Variants in CASP6 observed in about 807,000 individuals in gnomAD.
CASP6 encodes the protein caspase-6.
In CASP6, 20 loss-of-function variants were observed where a neutral mutation model predicts 31.8. The ratio of observed to expected loss-of-function variants is 0.63; its 90% CI spans 0.44 to 0.91. The LOEUF is 0.91. Among genes scored for constraint, CASP6 ranks in the 40% least tolerant of loss-of-function variants. The probability of loss-of-function intolerance (pLI) is 0.00; values close to 1 mark genes in which losing one functional copy is unlikely to be tolerated. For missense variants in CASP6, 328 were observed against 361.1 expected, an observed-to-expected ratio of 0.91 and a Z score of 0.74; for synonymous variants, 130 against 127.8, an observed-to-expected ratio of 1.02 and a Z score of -0.12.
At chr4:109,677,430 G>A in the CASP6 span, among the ~76,000 whole-genome samples, 1 of 152,160 alleles carries the variant, frequency 6.6e-6, no homozygotes. Flanking sequence ...TGGAGTGAAT[G>A]TATTTTGTGT....
the CASP6 span, among the ~76,000 whole-genome samples, chr4:109,668,162 G>A: frequency 3.3e-5 from 5 of 152,080 alleles, no homozygotes; most frequent in African/African-American, 1.2e-4. Flanking sequence ...GATTGGTGGT[G>A]CTATTGAGTT....
At chr4:109,705,998 AAAAATATATATATAT>A (rs1488312747), upstream of CASP6, among the ~76,000 whole-genome samples, 18 of 54,722 alleles carry the variant, frequency 3.3e-4, no homozygotes, top group African/African-American at 1.5e-3. Context: ...AAAAAAAAAA[AAAAATATATATATAT>A]ATATATATAT....
chr4:109,687,552 G>A (rs376182349), downstream of CASP6: 163 of 1,612,516 alleles, frequency 1.0e-4, no homozygotes, highest in Non-Finnish European at 1.2e-4. Context: ...CATTCTCTCT[G>A]TTTGCAAATG....
chr4:109,668,897 C>G, the CASP6 span, among the ~76,000 whole-genome samples: 1 of 151,994 alleles, frequency 6.6e-6, no homozygotes, highest in South Asian at 2.1e-4. Flanking sequence ...TGCTTCACGG[C>G]TAGTGCAAAT....
At chr4:109,671,206 C>T in the CASP6 span, among the ~76,000 whole-genome samples, 4 of 152,112 alleles carry the variant, frequency 2.6e-5, no homozygotes, top group Non-Finnish European at 5.9e-5. Context: ...AACTGGAAGT[C>T]TTAACTTTTT....
chr4:109,673,962 T>A, the CASP6 span: 1 of 845,582 alleles, frequency 1.2e-6, no homozygotes, highest in East Asian at 2.4e-5. Flanking sequence ...TTGCAGCAGT[T>A]GTTGCATATG....
upstream of CASP6, chr4:109,703,544 G>A: frequency 1.0e-6 from 1 of 1,000,546 alleles, no homozygotes; most frequent in Non-Finnish European, 1.4e-6. Flanking sequence ...CGCCGCCCGG[G>A]CTCCCGTGGA....
chr4:109,679,527 TC>T, the CASP6 span, among the ~76,000 whole-genome samples: 7 of 151,900 alleles, frequency 4.6e-5, no homozygotes, highest in African/African-American at 1.7e-4. Flanking sequence ...GTGCCTGGAA[TC>T]CCAGGCACTC....
chr4:109,678,839 C>T, the CASP6 span, among the ~76,000 whole-genome samples: 3 of 134,220 alleles, frequency 2.2e-5, no homozygotes, highest in African/African-American at 5.8e-5. Context: ...TGGGCAGAGG[C>T]GCTCTCACTT....
intron 3 of CASP6, 96 bp downstream of exon 3, chr4:109,697,526 C>T: frequency 7.1e-7 from 1 of 1,416,622 alleles, no homozygotes; most frequent in East Asian, 2.5e-5. Context: ...CTTGGCTTCC[C>T]AAAGTGCTGG....
downstream of CASP6, chr4:109,685,340 C>T: frequency 6.4e-7 from 1 of 1,563,916 alleles, no homozygotes. Context: ...TGCAGCAATA[C>T]AACAAGTTAA....
At chr4:109,672,085 T>C in the CASP6 span, among the ~76,000 whole-genome samples, 1 of 151,936 alleles carries the variant, frequency 6.6e-6, no homozygotes, top group South Asian at 2.1e-4. Context: ...TAAATATATA[T>C]ATATTTTTAA....
chr4:109,683,724 A>G (rs1729768823), downstream of CASP6, among the ~76,000 whole-genome samples: 1 of 152,208 alleles, frequency 6.6e-6, no homozygotes, highest in African/African-American at 2.4e-5. Flanking sequence ...TGATGGGCAT[A>G]TGGATTCTTT....
At chr4:109,664,497 T>G in the CASP6 span, 5 of 585,030 alleles carry the variant, frequency 8.5e-6, no homozygotes, top group Non-Finnish European at 1.5e-5. Flanking sequence ...TCGTCATAGC[T>G]CACTGTAATC....
At chr4:109,687,376 A>G (rs560924098), downstream of CASP6, 9 of 591,352 alleles carry the variant, frequency 1.5e-5, no homozygotes, top group Non-Finnish European at 2.4e-5. Context: ...ATATATATAT[A>G]TTTCAGCCAT....
At chr4:109,683,382 G>A in the CASP6 span, among the ~76,000 whole-genome samples, 1 of 152,026 alleles carries the variant, frequency 6.6e-6, no homozygotes, top group Admixed American at 6.6e-5. Context: ...TACCTCTAAG[G>A]GTATTTGGAG....
At chr4:109,684,833 C>T (rs1729800459), downstream of CASP6, 1 of 509,534 alleles carries the variant, frequency 2.0e-6, no homozygotes, top group East Asian at 3.2e-5. Flanking sequence ...TTATATATAA[C>T]TTCTTTGGAG....
At chr4:109,679,220 G>A in the CASP6 span, among the ~76,000 whole-genome samples, 1 of 152,236 alleles carries the variant, frequency 6.6e-6, no homozygotes, top group Non-Finnish European at 1.5e-5. Context: ...GCCCGGCAGA[G>A]ACACTCCTTA....
chr4:109,695,667 G>GT (rs1693337191), intron 4 of CASP6, among the ~76,000 whole-genome samples: 1 of 151,774 alleles, frequency 6.6e-6, no homozygotes, highest in Non-Finnish European at 1.5e-5. Flanking sequence ...CTTGAACCCA[G>GT]GAGGTGGAGG....
Sources: gnomAD v4.1 joint callset for allele counts (sites outside exome capture counted in the v4.1 genomes callset) on GRCh38, gnomAD v4.1.1 for gene constraint, MANE v1.5 for transcripts, NCBI Gene and HGNC (gene_info 2026-07-23, HGNC 2026-07-21) for gene names.